PRKCH: variants seen among roughly 807,000 people sequenced by gnomAD.
The protein encoded by PRKCH is protein kinase C eta type.
A neutral mutation model predicts 82.5 loss-of-function variants in PRKCH; 28 were observed. That is an observed-to-expected ratio of 0.34 (90% CI 0.25 to 0.47). The LOEUF (loss-of-function observed/expected upper bound fraction) is 0.47, where lower values mean the gene tolerates loss of function less well. Ranked by LOEUF, PRKCH falls within the 20% of genes least tolerant of loss-of-function variation. The pLI is 1.00. For missense variants in PRKCH, 705 were observed against 881.8 expected (o/e 0.80, Z 2.54); for synonymous variants, 322 against 327.4 (o/e 0.98, Z 0.18).
intron 1 of PRKCH, among the ~76,000 whole-genome samples, chr14:61,230,919 A>T (rs938630190): frequency 6.6e-6 from 1 of 152,186 alleles, no homozygotes; most frequent in East Asian, 1.9e-4. Flanking sequence ...TATTTCTTCT[A>T]CCCCAGGGTG....
chr14:61,304,881 A>G (rs1279079459), intron 1 of PRKCH: 1 of 150,450 alleles, frequency 6.6e-6, no homozygotes, highest in African/African-American at 2.4e-5. Context: ...GCATCATTCC[A>G]TTTCTTTTGG....
intron 2 of PRKCH, among the ~76,000 whole-genome samples, chr14:61,421,031 A>T (rs1882810083): frequency 6.6e-6 from 1 of 151,826 alleles, no homozygotes; most frequent in South Asian, 2.1e-4. Context: ...TACACAGACC[A>T]TTGAACTGAA....
chr14:61,275,095 T>C (rs1184871759), intron 1 of PRKCH, among the ~76,000 whole-genome samples: 1 of 152,228 alleles, frequency 6.6e-6, no homozygotes, highest in Non-Finnish European at 1.5e-5. Context: ...TAACAAAAAT[T>C]GGAAATGTCT....
chr14:61,288,847 ATT>A, intron 1 of PRKCH, among the ~76,000 whole-genome samples: 1 of 152,368 alleles, frequency 6.6e-6, no homozygotes, highest in South Asian at 2.1e-4. Flanking sequence ...ACGGAAACTT[ATT>A]CAAATCAGCT....
At chr14:61,443,343 G>A (rs1302373498) in intron 3 of PRKCH, 82 bp downstream of exon 3, 2 of 1,320,782 alleles carry the variant, frequency 1.5e-6, no homozygotes, top group Non-Finnish European at 2.0e-6. Flanking sequence ...TCAGCAGAAT[G>A]CATGATTATT....
intron 1 of PRKCH, among the ~76,000 whole-genome samples, chr14:61,250,238 AAAATAAATAAATAAAT>A (rs371406494): frequency 1.4e-5 from 2 of 139,172 alleles, no homozygotes; most frequent in Non-Finnish European, 3.1e-5. Context: ...CTCAGTCTCA[AAAATAAATAAATAAAT>A]AAATAAATAA....
rs181163244 is a variant in PRKCH, at chr14:61,339,836, A to G, written c.363+17372A>G. Among the ~76,000 whole-genome samples, 63 of 150,994 alleles carry G rather than the reference A, an allele frequency of 4.2e-4. No individual in the cohort carries two copies. The East Asian group carries it at 8.1e-3, about 19-fold the overall frequency. On this transcript the variant is annotated intron_variant, in intron 1 of 13. Transcript: ENST00000332981. ...GCTGGGATTACAGGCATGCGCCACC[A>G]TGCCCCCAGCTAATTTTTTAATTTT...
At chr14:61,528,546 A>G (rs546943638) in intron 10 of PRKCH, among the ~76,000 whole-genome samples, 2 of 152,278 alleles carry the variant, frequency 1.3e-5, no homozygotes, top group South Asian at 4.1e-4. Context: ...TGAACCGCAT[A>G]AACACAATCC....
intron 1 of PRKCH, among the ~76,000 whole-genome samples, chr14:61,192,046 G>GTGTGTA (rs2044410209): frequency 6.7e-6 from 1 of 149,324 alleles, no homozygotes; most frequent in African/African-American, 2.5e-5. Flanking sequence ...GTGTGTGTGT[G>GTGTGTA]CCTGAAATAA....
At position 61,329,254 on chromosome 14, in the gene PRKCH, T is replaced by TTTTTTTTG. The variant is rs1555375988; in HGVS notation, c.363+6790_363+6791insTTTTTTTG. 7.3e-3 allele frequency among the ~76,000 whole-genome samples: 898 copies of TTTTTTTTG among 122,462 alleles called. 40 individuals are homozygous for TTTTTTTTG. Among genetic ancestry groups the TTTTTTTTG allele is most frequent in the East Asian group, 0.014 (56 of 4,088 alleles). 80.3% of individuals were successfully genotyped at this position (122,462 alleles called of 152,430 possible). On this transcript the variant is annotated intron_variant, in intron 1 of 13. Transcript: ENST00000332981. The stretch of plus-strand genomic sequence containing the variant: ...TGAGTCTTTTTTTTTTTTTTTTTTT[T>TTTTTTTTG]GAGACAGAATCTCTCTCTGTTGCCC...
chr14:61,253,160 C>T (rs529138285), intron 1 of PRKCH, among the ~76,000 whole-genome samples: 1 of 152,338 alleles, frequency 6.6e-6, no homozygotes, highest in East Asian at 1.9e-4. Flanking sequence ...CGTTTGTGGA[C>T]TGTGCCATTT....
chr14:61,218,775 C>T (rs2044634062), intron 1 of PRKCH, among the ~76,000 whole-genome samples: 1 of 152,166 alleles, frequency 6.6e-6, no homozygotes, highest in African/African-American at 2.4e-5. Flanking sequence ...TCAAATGTTT[C>T]AGTGATTTCT....
Position 61,383,519 on chromosome 14 carries a change from T to C in PRKCH, c.364-7706T>C, listed in dbSNP as rs78294494. Among the ~76,000 whole-genome samples the C allele has an allele frequency of 6.6e-3, 1,005 of 152,114 alleles. 17 individuals are homozygous for C. Among genetic ancestry groups the C allele is most frequent in the African/African-American group, 0.023 (945 of 41,486 alleles). On this transcript the variant is annotated intron_variant, in intron 1 of 13. Coordinates refer to ENST00000332981, the MANE Select transcript of PRKCH (RefSeq NM_006255.5). ...GATGTGAATTTTGAGACCGGAGGGA[T>C]CAATGTGAATATCAAATCCTGGCAC...
At chr14:61,396,010 G>A (rs1393195250) in intron 2 of PRKCH, among the ~76,000 whole-genome samples, 1 of 150,618 alleles carries the variant, frequency 6.6e-6, no homozygotes, top group Non-Finnish European at 1.5e-5. Context: ...AGCCTGGGAA[G>A]TGGAGGTTGC....
chr14:61,488,944 GA>G (rs1283848881), intron 10 of PRKCH, among the ~76,000 whole-genome samples: 1 of 152,180 alleles, frequency 6.6e-6, no homozygotes, highest in Non-Finnish European at 1.5e-5. Flanking sequence ...TGATATGGTT[GA>G]CTTTGAAGGG....
chr14:61,189,397 T>G (rs750854872), intron 1 of PRKCH, among the ~76,000 whole-genome samples: 1 of 67,498 alleles, frequency 1.5e-5, no homozygotes, highest in East Asian at 4.1e-4. Flanking sequence ...GCCCCGACTC[T>G]GTAAGATATT....
At position 61,457,698 on chromosome 14, in the gene PRKCH, C is replaced by G; in HGVS notation, c.1278+19C>G. On this transcript the variant is annotated intron_variant, in intron 9 of 13. Transcript: ENST00000332981. ...GACCCCCGTAAGTATGAATCACATT[C>G]ACTGCACCAACAGCCTCTTTTCTTA... 6.2e-7 allele frequency: 1 copy of G among 1,611,950 alleles called. No homozygotes were observed. The highest frequency in any genetic ancestry group is 8.5e-7 in the Non-Finnish European group (1 of 1,178,374).
chr14:61,459,496 G>C (rs1055488858), intron 9 of PRKCH, among the ~76,000 whole-genome samples: 2 of 152,186 alleles, frequency 1.3e-5, no homozygotes, highest in Non-Finnish European at 2.9e-5. Context: ...TGAGGCAGCC[G>C]AGGTGGGCCA....
chr14:61,449,301 G>T (rs765934371), intron 5 of PRKCH, 49 bp downstream of exon 5: 1 of 1,478,622 alleles, frequency 6.8e-7, no homozygotes, highest in Non-Finnish European at 9.4e-7. Flanking sequence ...TATTGTGTAT[G>T]CTGTGTACCG....
Sources: gnomAD v4.1 joint callset for allele counts (sites outside exome capture counted in the v4.1 genomes callset) on GRCh38, gnomAD v4.1.1 for gene constraint, MANE v1.5 for transcripts, NCBI Gene and HGNC (gene_info 2026-07-23, HGNC 2026-07-21) for gene names.